The following BCL2L11 variants were observed in gnomAD, a reference collection of about 807,000 sequenced individuals.
BCL2L11 encodes BCL2 like 11, also known as bcl-2-like protein 11.
In BCL2L11, 15 loss-of-function variants were observed where a neutral mutation model predicts 20.6. The ratio of observed to expected loss-of-function variants is 0.73; its 90% confidence interval spans 0.49 to 1.12. BCL2L11 has a LOEUF of 1.12. Ranked by LOEUF, BCL2L11 falls within the 50% of genes most tolerant of loss-of-function variation. The pLI, the probability that BCL2L11 is intolerant of heterozygous loss-of-function variation, is 0.00. For missense variants in BCL2L11, 292 were observed against 260.9 expected (o/e 1.12, Z -0.82); for synonymous variants, 108 against 92.8 (o/e 1.16, Z -0.94).
chr2:111,159,357 A>G lies in BCL2L11; in HGVS notation c.499-4776A>G, dbSNP rs898758541. ...CATAGGGAATGCTACCCTGGCACTCAGGGTTGTTGTGGGGACTGAAAAGCA... is the reference window on the plus strand; with the variant it reads ...CATAGGGAATGCTACCCTGGCACTCGGGGTTGTTGTGGGGACTGAAAAGCA... On this transcript the variant is annotated intron_variant, in intron 3 of 3. Transcript: ENST00000393256. 5.9e-5 allele frequency among the ~76,000 whole-genome samples: 9 copies of G among 152,306 alleles called. No individual in the cohort carries two copies. In the South Asian group the frequency reaches 1.0e-3, roughly 18 times the overall value.
chr2:111,126,303 G>T (rs972518338), intron 2 of BCL2L11, among the ~76,000 whole-genome samples: 1 of 152,118 alleles, frequency 6.6e-6, no homozygotes. Context: ...GGGCTTCAAA[G>T]ATCATAATCT....
chr2:111,122,605 C>A lies in BCL2L11; in HGVS notation c.-13-1128C>A, dbSNP rs926793420. ...AGCGGCGCGGGGAGGTCGGCGGTGC[C>A]GGCGGCGGCGGGCGCAGAGCGCGAG... On this transcript the variant is annotated intron_variant, in intron 1 of 3. Coordinates refer to ENST00000393256, the MANE Select transcript of BCL2L11 (RefSeq NM_138621.5). 28 of 983,448 alleles carry A rather than the reference C, an allele frequency of 2.8e-5. No homozygotes were observed. In the African/African-American group the frequency reaches 3.2e-4, roughly 11 times the overall value. The allele number at this position is 983,448 out of a possible 1,614,324, so 60.9% of individuals were successfully genotyped here.
chr2:111,161,012 G>A (rs538328466), intron 3 of BCL2L11, among the ~76,000 whole-genome samples: 1 of 152,306 alleles, frequency 6.6e-6, no homozygotes, highest in African/African-American at 2.4e-5. Context: ...TGCAGACTTA[G>A]CCTCCAGACC....
intron 1 of BCL2L11, chr2:111,122,865 G>GGACGCCGCGGGGCTTGGTCCC (rs1299077624): frequency 1.0e-6 from 1 of 985,398 alleles, no homozygotes; most frequent in East Asian, 1.1e-4. Flanking sequence ...GGCGCGGGCC[G>GGACGCCGCGGGGCTTGGTCCC]GACGCCGCGG....
chr2:111,134,025 C>T (rs887142763), intron 2 of BCL2L11, among the ~76,000 whole-genome samples: 2 of 151,814 alleles, frequency 1.3e-5, no homozygotes, highest in African/African-American at 4.8e-5. Context: ...ATAGTATTAT[C>T]TTTTTCCATC....
Position 111,165,543 on chromosome 2 carries a change from G to A in BCL2L11, c.*1312G>A, listed in dbSNP as rs142335632. On this transcript the variant is annotated 3_prime_UTR_variant, in exon 4 of 4. Coordinates refer to ENST00000393256, the MANE Select transcript of BCL2L11 (RefSeq NM_138621.5). ...CATTTTTCCAGGACAGTTGGATATT[G>A]TCAGGCCACTTGTGACCCCAGCCAT... The A allele has an allele frequency of 6.6e-6, 1 of 152,226 alleles. No homozygotes were observed. Among genetic ancestry groups the A allele is most frequent in the Non-Finnish European group, 1.5e-5 (1 of 68,054 alleles). The allele number at this position is 152,226 out of a possible 1,614,324, so 9.4% of individuals were successfully genotyped here. A position where few individuals can be genotyped will look rare whatever the true frequency, so the allele number is the denominator to read the frequency against.
intron 2 of BCL2L11, among the ~76,000 whole-genome samples, chr2:111,145,783 T>G (rs374073108): frequency 6.6e-6 from 1 of 152,194 alleles, no homozygotes; most frequent in South Asian, 2.1e-4. Flanking sequence ...TATTTTCCCA[T>G]AGGTAGTAAT....
rs117734099 is a variant in BCL2L11 at position 111,156,591 on chromosome 2, G to C, written c.498+6444G>C. On this transcript the variant is annotated intron_variant, in intron 3 of 3. Coordinates refer to ENST00000393256, the MANE Select transcript of BCL2L11 (RefSeq NM_138621.5). The stretch of plus-strand genomic sequence containing the variant: ...TCCCCTCAGACTTTTGGGAGAACAT[G>C]TGGCTGGGATTATGTGGACTATGGA... Among the ~76,000 whole-genome samples, 73 of 152,324 alleles carry C rather than the reference G, an allele frequency of 4.8e-4. No individual in the cohort carries two copies. The East Asian group carries it at 0.014, about 29-fold the overall frequency.
chr2:111,143,261 C>G (rs1039406485), intron 2 of BCL2L11, among the ~76,000 whole-genome samples: 1 of 152,164 alleles, frequency 6.6e-6, no homozygotes, highest in African/African-American at 2.4e-5. Context: ...TGTCCCGTGT[C>G]TTTCCCCAGA....
intron 3 of BCL2L11, among the ~76,000 whole-genome samples, chr2:111,156,441 A>G (rs2077864922): frequency 6.6e-6 from 1 of 152,086 alleles, no homozygotes; most frequent in South Asian, 2.1e-4. Flanking sequence ...GTTCAGCAAG[A>G]GTTTTCCTTA....
At chr2:111,130,740 G>T (rs1320696492) in intron 2 of BCL2L11, among the ~76,000 whole-genome samples, 1 of 152,146 alleles carries the variant, frequency 6.6e-6, no homozygotes, top group Non-Finnish European at 1.5e-5. Flanking sequence ...CTAAGTGTAG[G>T]TTTTATATGG....
At chr2:111,145,290 A>G in intron 2 of BCL2L11, among the ~76,000 whole-genome samples, 1 of 152,180 alleles carries the variant, frequency 6.6e-6, no homozygotes, top group East Asian at 1.9e-4. Flanking sequence ...CCTGCCACCC[A>G]GTACACACAC....
chr2:111,130,150 G>C (rs1362729292), intron 2 of BCL2L11: 4 of 376,248 alleles, frequency 1.1e-5, no homozygotes, highest in Admixed American at 3.2e-5. Context: ...TGTCACCCAG[G>C]CTGGAGTGCA....
At chr2:111,122,653 G>A (rs2071359518) in intron 1 of BCL2L11, 1 of 983,896 alleles carries the variant, frequency 1.0e-6, no homozygotes. Context: ...AGGAGGCGGA[G>A]GATGTTCCCG....
intron 1 of BCL2L11, among the ~76,000 whole-genome samples, chr2:111,121,586 C>G (rs1285909773): frequency 6.6e-6 from 1 of 152,196 alleles, no homozygotes; most frequent in African/African-American, 2.4e-5. Context: ...GCTCCGGCGC[C>G]CTCAGAGTAG....
intron 2 of BCL2L11, chr2:111,142,313 A>G: frequency 6.5e-7 from 1 of 1,550,366 alleles, no homozygotes; most frequent in Non-Finnish European, 8.7e-7. Context: ...TGGCTTGCAG[A>G]TGACTCCGCT....
At chr2:111,125,385 C>T (rs565138047) in intron 2 of BCL2L11, among the ~76,000 whole-genome samples, 47 of 152,182 alleles carry the variant, frequency 3.1e-4, no homozygotes, top group Non-Finnish European at 6.3e-4. Context: ...ATGTCTTGAT[C>T]AGTAGTCAAT....
At chr2:111,162,353 A>T (rs935182713) in intron 3 of BCL2L11, among the ~76,000 whole-genome samples, 1 of 152,190 alleles carries the variant, frequency 6.6e-6, no homozygotes, top group African/African-American at 2.4e-5. Flanking sequence ...TCTTCTCATG[A>T]GTCAGGGATT....
intron 3 of BCL2L11, among the ~76,000 whole-genome samples, chr2:111,155,666 C>T (rs1206719315): frequency 6.6e-6 from 1 of 152,190 alleles, no homozygotes; most frequent in Non-Finnish European, 1.5e-5. Flanking sequence ...ACTCCATGTG[C>T]AGGAACACTG....
Sources: allele counts gnomAD v4.1 joint callset (sites outside exome capture counted in the v4.1 genomes callset), GRCh38; gene constraint gnomAD v4.1.1; transcripts MANE v1.5; gene names NCBI Gene and HGNC (gene_info 2026-07-23, HGNC 2026-07-21).